Variants in SPIN1 observed in about 807,000 individuals in gnomAD.
The protein encoded by SPIN1 is spindlin-1.
A neutral mutation model predicts 26.0 loss-of-function variants in SPIN1; 3 were observed. The ratio of observed to expected loss-of-function variants is 0.12; its 90% CI spans 0.05 to 0.30. SPIN1 has a LOEUF of 0.30. Ranked by LOEUF, SPIN1 falls within the 10% of genes least tolerant of loss-of-function variation. The pLI, the probability that SPIN1 is intolerant of heterozygous loss-of-function variation, is 1.00. For missense variants in SPIN1, 126 were observed against 333.4 expected (o/e 0.38, Z 4.84); for synonymous variants, 101 against 116.5 (o/e 0.87, Z 0.86).
intron 2 of SPIN1, among the ~76,000 whole-genome samples, chr9:88,448,609 G>T (rs2094642972): frequency 6.6e-6 from 1 of 152,102 alleles, no homozygotes; most frequent in African/African-American, 2.4e-5. Flanking sequence ...TAGCCTCCCA[G>T]AGTGCTGGGA....
intron 5 of SPIN1, among the ~76,000 whole-genome samples, chr9:88,470,929 C>T (rs892331918): frequency 6.6e-6 from 1 of 152,150 alleles, no homozygotes. Context: ...GGTGAAATGT[C>T]TATTCATATC....
At chr9:88,469,820 C>T (rs900128950) in intron 5 of SPIN1, among the ~76,000 whole-genome samples, 1 of 152,150 alleles carries the variant, frequency 6.6e-6, no homozygotes, top group Non-Finnish European at 1.5e-5. Flanking sequence ...AGGTGTGAGC[C>T]ATTACGACCA....
intron 3 of SPIN1, among the ~76,000 whole-genome samples, chr9:88,459,962 G>GA (rs1491214345): frequency 6.6e-6 from 1 of 152,092 alleles, no homozygotes; most frequent in East Asian, 1.9e-4. Flanking sequence ...GTCAAATTCT[G>GA]AGTCTATCCC....
At chr9:88,408,376 C>CTTTTTTTTTT (rs1177261349) in intron 1 of SPIN1, among the ~76,000 whole-genome samples, 4 of 115,436 alleles carry the variant, frequency 3.5e-5, no homozygotes, top group Non-Finnish European at 5.1e-5. Context: ...TCCTTTTTTT[C>CTTTTTTTTTT]TTTTTTTTTT....
chr9:88,424,895 A>G (rs66521582), intron 1 of SPIN1, among the ~76,000 whole-genome samples: 29,187 of 152,080 alleles, frequency 0.19, 3,696 homozygotes, highest in African/African-American at 0.36. Context: ...AAGTAAAGCC[A>G]ATACCATAAT....
intron 1 of SPIN1, among the ~76,000 whole-genome samples, chr9:88,419,624 C>CT (rs545657677): frequency 3.3e-5 from 5 of 152,162 alleles, no homozygotes; most frequent in Non-Finnish European, 5.9e-5. Flanking sequence ...AATCCAGCAT[C>CT]TTTTTTTCTC....
At chr9:88,414,824 T>C (rs1328454523) in intron 1 of SPIN1, among the ~76,000 whole-genome samples, 2 of 152,350 alleles carry the variant, frequency 1.3e-5, no homozygotes, top group East Asian at 3.9e-4. Context: ...TCCAAATCCA[T>C]GGTCCTTATA....
In SPIN1 at chr9:88,431,332, C is replaced by T. The variant is rs375277307; in HGVS notation, c.52+4741C>T. Among the ~76,000 whole-genome samples, 3 of 151,292 alleles carry T rather than the reference C, an allele frequency of 2.0e-5. No individual in the cohort carries two copies. The East Asian group carries it at 5.8e-4, about 29-fold the overall frequency. On this transcript the variant is annotated intron_variant, in intron 2 of 5. Transcript: ENST00000375859. ...ATGGAGTCTCAAGAGCTCTGTCGGC[C>T]TGGGCTGGAATGCAGTGGCATGATC... is the stretch of plus-strand genomic sequence containing the variant.
rs112769808 is a variant in SPIN1, at chr9:88,414,768, C to T, written c.-158-11614C>T. Among the ~76,000 whole-genome samples the T allele has an allele frequency of 3.4e-3, 511 of 152,280 alleles. 3 individuals carry two copies. The highest frequency in any genetic ancestry group is 0.012 in the African/African-American group (486 of 41,558). On this transcript the variant is annotated intron_variant, in intron 1 of 5. Coordinates refer to ENST00000375859, the MANE Select transcript of SPIN1 (RefSeq NM_006717.3). ...ATTCATGATAGAAGGAAGTGCTGTA[C>T]TTCAGGTAGAGGTTAGGAAAGATGA...
intron 1 of SPIN1, among the ~76,000 whole-genome samples, chr9:88,402,173 A>AGTGG (rs1827200480): frequency 6.6e-6 from 1 of 152,032 alleles, no homozygotes; most frequent in South Asian, 2.1e-4. Flanking sequence ...TTGTAATTTT[A>AGTGG]GTAGAGACAG....
intron 2 of SPIN1, among the ~76,000 whole-genome samples, chr9:88,432,466 G>A (rs912174221): frequency 1.5e-4 from 23 of 148,532 alleles, no homozygotes; most frequent in African/African-American, 4.0e-4. Flanking sequence ...GGGATTACAG[G>A]TGTGAGCCAC....
intron 1 of SPIN1, among the ~76,000 whole-genome samples, chr9:88,392,298 G>A (rs1002975921): frequency 7.9e-5 from 12 of 152,130 alleles, no homozygotes; most frequent in African/African-American, 2.7e-4. Context: ...TAAAATTGCC[G>A]TAAACCCTTT....
In SPIN1 at chr9:88,478,043, G is replaced by A. The variant is rs1331998015; in HGVS notation, c.*2766G>A. The stretch of plus-strand genomic sequence containing the variant: ...TTCCTGTATATTTGCTTACTGTGCC[G>A]TTTTAGTGGTTTTAGGATAAAAATG... On this transcript the variant is annotated 3_prime_UTR_variant, in exon 6 of 6. Coordinates refer to ENST00000375859, the MANE Select transcript of SPIN1 (RefSeq NM_006717.3). The A allele has an allele frequency of 2.0e-5, 3 of 151,810 alleles. No individual in the cohort carries two copies. Among genetic ancestry groups the A allele is most frequent in the Admixed American group, 6.6e-5 (1 of 15,250 alleles). The allele number at this position is 151,810 out of a possible 1,614,324, so 9.4% of individuals were successfully genotyped here. A position where few individuals can be genotyped will look rare whatever the true frequency, so the allele number is the denominator to read the frequency against.
chr9:88,418,698 T>C (rs1171267750), intron 1 of SPIN1: 2 of 152,220 alleles, frequency 1.3e-5, no homozygotes, highest in African/African-American at 4.8e-5. Flanking sequence ...TTTTAGCCTT[T>C]TTGGAGACAA....
intron 1 of SPIN1, among the ~76,000 whole-genome samples, chr9:88,406,181 A>G (rs988254691): frequency 1.3e-5 from 2 of 151,852 alleles, no homozygotes; most frequent in Non-Finnish European, 2.9e-5. Context: ...CTATTATAAT[A>G]TTATGGGACT....
intron 3 of SPIN1, among the ~76,000 whole-genome samples, chr9:88,452,494 G>A (rs1564038572): frequency 6.6e-6 from 1 of 152,224 alleles, no homozygotes; most frequent in Non-Finnish European, 1.5e-5. Flanking sequence ...AAGTTGGTCA[G>A]AACATTGAAT....
At chr9:88,442,134 A>G (rs1646964616) in intron 2 of SPIN1, among the ~76,000 whole-genome samples, 2 of 151,330 alleles carry the variant, frequency 1.3e-5, no homozygotes, top group Admixed American at 1.3e-4. Context: ...CCTTCTTTCT[A>G]AAGATTTTCT....
At chr9:88,461,656 G>C (rs1734432744) in intron 3 of SPIN1, among the ~76,000 whole-genome samples, 2 of 152,120 alleles carry the variant, frequency 1.3e-5, no homozygotes, top group African/African-American at 4.8e-5. Flanking sequence ...ATTCCTTTCA[G>C]GTCTTTTTGT....
In SPIN1 at chr9:88,425,766, C is replaced by T. The variant is rs144004853; in HGVS notation, c.-158-616C>T. Among the ~76,000 whole-genome samples, 202 of 152,076 alleles carry T rather than the reference C, an allele frequency of 1.3e-3. 1 individual carries two copies. Among genetic ancestry groups the T allele is most frequent in the African/African-American group, 4.6e-3 (190 of 41,486 alleles). On this transcript the variant is annotated intron_variant, in intron 1 of 5. Coordinates refer to ENST00000375859, the MANE Select transcript of SPIN1 (RefSeq NM_006717.3). ...TCTTTGAGGCTCCGCTGAAATTTCT[C>T]GACCTTTTTCTTTAGTTTCTGGAAG...
Sources: gnomAD v4.1 joint callset for allele counts (sites outside exome capture counted in the v4.1 genomes callset) on GRCh38, gnomAD v4.1.1 for gene constraint, MANE v1.5 for transcripts, NCBI Gene and HGNC (gene_info 2026-07-23, HGNC 2026-07-21) for gene names.